Variants in ZNF644 observed in about 807,000 individuals in gnomAD.
ZNF644 encodes the protein zinc finger motif enhancer binding protein 2.
Under a neutral mutation model 108.0 loss-of-function variants are expected in ZNF644, and 20 were observed. The ratio of observed to expected loss-of-function variants is 0.19; its 90% CI spans 0.13 to 0.27. The LOEUF is 0.27. ZNF644 is among the 10% of genes least tolerant of loss of function. The probability of loss-of-function intolerance (pLI) is 1.00; values close to 1 mark genes in which losing one functional copy is unlikely to be tolerated. For synonymous variants in ZNF644, 542 were observed against 539.1 expected, an observed-to-expected ratio of 1.01 and a Z score of -0.08; for missense variants, 1,338 against 1,548.9, an observed-to-expected ratio of 0.86 and a Z score of 2.29.
intron 4 of ZNF644, among the ~76,000 whole-genome samples, chr1:90,922,312 G>A (rs2100795533): frequency 6.6e-6 from 1 of 152,156 alleles, no homozygotes; most frequent in South Asian, 2.1e-4. Flanking sequence ...AAACAACTGG[G>A]GTATCTATAC....
rs685728 is a variant in ZNF644 at position 90,952,390 on chromosome 1, T to G, written c.45-11081A>C. Among the ~76,000 whole-genome samples, 232 of 152,320 alleles carry G rather than the reference T, an allele frequency of 1.5e-3. 4 individuals are homozygous for G. Among genetic ancestry groups the G allele is most frequent in the Middle Eastern group, 0.01 (3 of 294 alleles). On this transcript the variant is annotated intron_variant, in intron 2 of 5. Transcript: ENST00000337393. ...TTAAAAATACCATAGTTTTCCAAAA[T>G]TATTTTAAGAGGTGTGTGAAGAAAA... is the stretch of plus-strand genomic sequence containing the variant.
Position 90,940,403 on chromosome 1 carries a change from T to C in ZNF644, c.951A>G (p.Lys317=), listed in dbSNP as rs2100961507. ...GAAAGTCTACTTCTTGCATTTTTGA[T>C]TTATTGGGTACACAATTAGAATCAC... ...CFSDSNCVPN[K]SKMQEVDFLE... Residue 317 remains lysine (K), a synonymous_variant, in exon 3 of 6, where the codon AAA becomes AAG. Transcript: ENST00000337393. The C allele has an allele frequency of 6.2e-7, 1 of 1,613,730 alleles. No individual in the cohort carries two copies. Among genetic ancestry groups the C allele is most frequent in the East Asian group, 2.2e-5 (1 of 44,856 alleles).
intron 4 of ZNF644, among the ~76,000 whole-genome samples, chr1:90,924,111 A>G (rs1649763184): frequency 6.6e-6 from 1 of 152,188 alleles, no homozygotes; most frequent in South Asian, 2.1e-4. Flanking sequence ...ACATTTTTAT[A>G]AACAGGAATT....
intron 4 of ZNF644, among the ~76,000 whole-genome samples, chr1:90,918,619 T>C (rs1389535916): frequency 6.6e-6 from 1 of 152,156 alleles, no homozygotes. Context: ...AAGTAGGTCT[T>C]CTATACTTGG....
At chr1:90,929,879 G>A (rs1024713161) in intron 4 of ZNF644, among the ~76,000 whole-genome samples, 8 of 152,272 alleles carry the variant, frequency 5.3e-5, no homozygotes, top group Middle Eastern at 3.4e-3. Context: ...TTTTAAAAAC[G>A]TTAATATATT....
At chr1:90,991,890 T>G (rs907767338) in intron 1 of ZNF644, among the ~76,000 whole-genome samples, 3 of 152,182 alleles carry the variant, frequency 2.0e-5, no homozygotes, top group Admixed American at 2.0e-4. Flanking sequence ...ATACCATCCT[T>G]ATTTGTAATA....
chr1:90,983,599 A>G (rs139465312), intron 1 of ZNF644, among the ~76,000 whole-genome samples: 3 of 152,068 alleles, frequency 2.0e-5, no homozygotes, highest in South Asian at 2.1e-4. Flanking sequence ...ATGTATCCTT[A>G]TAAGAACGAG....
chr1:91,005,710 A>C (rs1227329291), intron 1 of ZNF644, among the ~76,000 whole-genome samples: 1 of 152,184 alleles, frequency 6.6e-6, no homozygotes, highest in Admixed American at 6.5e-5. Flanking sequence ...CAAATCAGAA[A>C]GTATATTGAG....
intron 2 of ZNF644, among the ~76,000 whole-genome samples, chr1:90,946,577 A>G (rs997208165): frequency 1.3e-5 from 2 of 152,158 alleles, no homozygotes; most frequent in Admixed American, 6.6e-5. Flanking sequence ...GTATTCTTTA[A>G]ATTCACAATT....
intron 4 of ZNF644, among the ~76,000 whole-genome samples, chr1:90,922,838 T>C (rs562602187): frequency 4.6e-5 from 7 of 152,260 alleles, no homozygotes; most frequent in Non-Finnish European, 8.8e-5. Context: ...ACATTCAGTA[T>C]TGGTTTTCTG....
In ZNF644 at chr1:90,938,186, TAA is replaced by T. The variant is rs1651550742; in HGVS notation, c.3082+84_3082+85del. On this transcript the variant is annotated intron_variant, in intron 3 of 5. Transcript: ENST00000337393. This position sits in a 1 kb window ranked among gnomAD's most constrained non-coding sequence, Gnocchi z 4.2. ...CTGAAACATAAAATTATGATTCTAA[TAA>T]AGACTAAATTCAAAAAAAACTTTTA... 2 of 1,607,900 alleles carry T rather than the reference TAA, an allele frequency of 1.2e-6. No individual in the cohort carries two copies. The highest frequency in any genetic ancestry group is 2.7e-5 in the African/African-American group (2 of 74,642).
In ZNF644 at chr1:90,940,803, G is replaced by T. The variant is rs768607138; in HGVS notation, c.551C>A (p.Ala184Asp). 6.2e-7 allele frequency: 1 copy of T among 1,613,804 alleles called. No individual in the cohort carries two copies. Among genetic ancestry groups the T allele is most frequent in the African/African-American group, 1.3e-5 (1 of 74,914 alleles). ...TTTATTGGAATGGGTGGGATTCTTAGCATGTGCTACATCTGATAACAAAAA... is the reference window on the plus strand; with the variant it reads ...TTTATTGGAATGGGTGGGATTCTTATCATGTGCTACATCTGATAACAAAAA... ...VLFLLSDVAH[A>D]KNPTHSNKKL... Residue 184 changes from alanine to aspartate, a missense_variant, in exon 3 of 6, where the codon GCT becomes GAT. By Grantham distance (126) the Ala-to-Asp change is moderately radical. Coordinates refer to ENST00000337393, the MANE Select transcript of ZNF644 (RefSeq NM_201269.3).
chr1:90,926,198 T>G (rs149552314), intron 4 of ZNF644, among the ~76,000 whole-genome samples: 1 of 152,176 alleles, frequency 6.6e-6, no homozygotes, highest in Non-Finnish European at 1.5e-5. Flanking sequence ...AGGCTGCACA[T>G]AGGATGCCTA....
intron 1 of ZNF644, among the ~76,000 whole-genome samples, chr1:90,984,714 A>G (rs533109055): frequency 3.9e-5 from 6 of 152,256 alleles, no homozygotes; most frequent in African/African-American, 1.4e-4. Context: ...ATTCTAAGAG[A>G]TACAAGGTAT....
Position 90,940,147 on chromosome 1 carries a change from T to C in ZNF644, c.1207A>G (p.Ser403Gly), listed in dbSNP as rs755659283. Reference sequence around the variant, plus strand: ...GGGTAGAATGATGGCTCTTCGGTACTGAAAGTAGCAGGTGACTCAGAATCA... The same window carrying C: ...GGGTAGAATGATGGCTCTTCGGTACCGAAAGTAGCAGGTGACTCAGAATCA... ...ESDSESPATF[S>G]TEEPSFYPCT... Residue 403 changes from serine (S) to glycine (G), a missense_variant, in exon 3 of 6, where the codon AGT (serine) becomes GGT (glycine). Ser to Gly is a moderately conservative substitution (Grantham distance 56). This residue lies in a region of ZNF644 where 464 missense variants were observed against 457.9 expected (regional missense o/e 1.01). Transcript: ENST00000337393. The C allele has an allele frequency of 9.9e-6, 16 of 1,613,940 alleles. No individual in the cohort carries two copies. Among genetic ancestry groups the C allele is most frequent in the Non-Finnish European group, 1.3e-5 (15 of 1,179,958 alleles).
Position 90,940,430 on chromosome 1 carries a change from A to T in ZNF644, c.924T>A (p.Phe308Leu), listed in dbSNP as rs775783287. 5.0e-6 allele frequency: 8 copies of T among 1,613,574 alleles called. No individual in the cohort carries two copies. Among genetic ancestry groups the T allele is most frequent in the Non-Finnish European group, 5.9e-6 (7 of 1,179,888 alleles). ...TATTGGGTACACAATTAGAATCACT[A>T]AAGCAATCCTCGGTATAACGAGTTA... Reference protein sequence around the residue: ...SKITRYTEDCFSDSNCVPNKS... With the variant: ...SKITRYTEDCLSDSNCVPNKS... The change falls in exon 3 of 6, where the codon TTT becomes TTA. Residue 308 changes from phenylalanine to leucine, a missense_variant. Transcript: ENST00000337393.
At chr1:90,958,541 A>AG (rs1225782997) in intron 2 of ZNF644, among the ~76,000 whole-genome samples, 3 of 152,184 alleles carry the variant, frequency 2.0e-5, no homozygotes, top group African/African-American at 7.2e-5. Context: ...AAGAAAAAGA[A>AG]GGAGTACTCA....
At chr1:90,941,949 C>T (rs990525955) in intron 2 of ZNF644, among the ~76,000 whole-genome samples, 1 of 152,176 alleles carries the variant, frequency 6.6e-6, no homozygotes, top group South Asian at 2.1e-4. Context: ...TCCCAACATT[C>T]TATCAATTGT....
chr1:90,996,872 C>T (rs982735755), intron 1 of ZNF644, among the ~76,000 whole-genome samples: 6 of 152,154 alleles, frequency 3.9e-5, no homozygotes, highest in Admixed American at 2.6e-4. Flanking sequence ...TCCCAGAGAA[C>T]TGTCATTATT....
Sources: gnomAD v4.1 joint callset for allele counts (sites outside exome capture counted in the v4.1 genomes callset) on GRCh38, gnomAD v4.1.1 for gene constraint, gnomAD v4.1.1 regional missense constraint, Gnocchi (gnomAD v3.1) non-coding constraint, MANE v1.5 for transcripts, NCBI Gene and HGNC (gene_info 2026-07-23, HGNC 2026-07-21) for gene names.